Variants in SPTBN1 observed in about 807,000 individuals in gnomAD.
SPTBN1 encodes spectrin beta, non-erythrocytic 1.
Under a neutral mutation model 266.4 loss-of-function variants are expected in SPTBN1, and 32 were observed. The ratio of observed to expected loss-of-function variants is 0.12; its 90% CI spans 0.09 to 0.16. SPTBN1 has a LOEUF of 0.16. SPTBN1 is among the 10% of genes least tolerant of loss of function. The probability of loss-of-function intolerance (pLI) is 1.00; values close to 1 mark genes in which losing one functional copy is unlikely to be tolerated. For synonymous variants in SPTBN1, 1,336 were observed against 1,162.2 expected, an observed-to-expected ratio of 1.15 and a Z score of -3.04; for missense variants, 2,296 against 3,067.1, an observed-to-expected ratio of 0.75 and a Z score of 5.94.
At chr2:54,471,884 T>C (rs9677271) in intron 1 of SPTBN1, among the ~76,000 whole-genome samples, 27,044 of 147,504 alleles carry the variant, frequency 0.18, 2,862 homozygotes, top group African/African-American at 0.28. Flanking sequence ...CTGTAACATC[T>C]TATGTTGAAT....
intron 2 of SPTBN1, among the ~76,000 whole-genome samples, chr2:54,561,915 C>G (rs917819631): frequency 3.3e-5 from 5 of 150,796 alleles, no homozygotes; most frequent in African/African-American, 1.2e-4. Flanking sequence ...AGAGTGATGG[C>G]TTTATCACAC....
At chr2:54,525,544 A>T (rs940491110) in intron 1 of SPTBN1, among the ~76,000 whole-genome samples, 7 of 152,162 alleles carry the variant, frequency 4.6e-5, no homozygotes, top group African/African-American at 1.7e-4. Context: ...TTACATCTTA[A>T]TCTTAAGCAT....
chr2:54,642,933 A>C (rs1277992554), intron 18 of SPTBN1, 50 bp from the exon 19 acceptor site: 36 of 1,582,364 alleles, frequency 2.3e-5, no homozygotes, highest in Non-Finnish European at 3.0e-5. Context: ...GGCGGAAAAA[A>C]GGCTGATGTC....
chr2:54,556,136 C>A (rs941480919), intron 2 of SPTBN1, among the ~76,000 whole-genome samples: 3 of 152,212 alleles, frequency 2.0e-5, no homozygotes, highest in Non-Finnish European at 2.9e-5. Context: ...ATACCTCTGG[C>A]CTTCCTTTAC....
rs141591218 is a variant in SPTBN1, at chr2:54,505,998, C to A, written c.-47-20374C>A. Among the ~76,000 whole-genome samples, 17 of 152,142 alleles carry A rather than the reference C, an allele frequency of 1.1e-4. No individual in the cohort carries two copies. The East Asian group carries it at 3.3e-3, about 29-fold the overall frequency. On this transcript the variant is annotated intron_variant, in intron 1 of 35. Transcript: ENST00000356805. ...AATTAGCTGGGCGAGGTGACGGGTG[C>A]CTGTAGTCCCAGCTACTTGGGAGGT...
intron 2 of SPTBN1, among the ~76,000 whole-genome samples, chr2:54,593,823 C>CTTTTTTT (rs374877354): frequency 0.062 from 4,046 of 64,784 alleles, 873 homozygotes; most frequent in East Asian, 0.089. Context: ...CATGGAAACA[C>CTTTTTTT]TTTTTTTTTT....
chr2:54,541,303 C>T (rs1671923318), intron 2 of SPTBN1, among the ~76,000 whole-genome samples: 1 of 152,232 alleles, frequency 6.6e-6, no homozygotes, highest in African/African-American at 2.4e-5. Flanking sequence ...GGCCCCTATA[C>T]ACACTGTCCA....
intron 1 of SPTBN1, among the ~76,000 whole-genome samples, chr2:54,470,887 C>G (rs1573214934): frequency 6.6e-6 from 1 of 152,192 alleles, no homozygotes; most frequent in Admixed American, 6.5e-5. Context: ...TCTTGTCCAA[C>G]CTACAGCCTT....
chr2:54,611,693 TTC>T (rs1677227725), intron 3 of SPTBN1, among the ~76,000 whole-genome samples: 1 of 152,196 alleles, frequency 6.6e-6, no homozygotes, highest in South Asian at 2.1e-4. Context: ...TTGGAAATTC[TTC>T]TGATTTGATG....
chr2:54,601,615 TG>T (rs1226079262), intron 3 of SPTBN1, among the ~76,000 whole-genome samples: 2 of 152,196 alleles, frequency 1.3e-5, no homozygotes, highest in Non-Finnish European at 1.5e-5. Flanking sequence ...TCTGCACCAG[TG>T]GTCCAAAACC....
chr2:54,604,713 A>T (rs1424368928), intron 3 of SPTBN1, among the ~76,000 whole-genome samples: 1 of 152,144 alleles, frequency 6.6e-6, no homozygotes, highest in African/African-American at 2.4e-5. Context: ...TGGGCCTGGG[A>T]TGGAGATATG....
At position 54,669,376 on chromosome 2, in the gene SPTBN1, G is replaced by A. The variant is rs1424447941; in HGVS notation, c.*807G>A. On this transcript the variant is annotated 3_prime_UTR_variant, in exon 36 of 36. Coordinates refer to ENST00000356805, the MANE Select transcript of SPTBN1 (RefSeq NM_003128.3). ...AGTGGTGGAACTGAAGCATTTACTGGACAAAGTAATGTTACTCTAATGGTT... is the reference window on the plus strand; with the variant it reads ...AGTGGTGGAACTGAAGCATTTACTGAACAAAGTAATGTTACTCTAATGGTT... 2.0e-5 allele frequency: 3 copies of A among 152,662 alleles called. No individual in the cohort carries two copies. The highest frequency in any genetic ancestry group is 6.5e-5 in the Admixed American group (1 of 15,286). The allele number at this position is 152,662 out of a possible 1,614,324, so 9.5% of individuals were successfully genotyped here.
chr2:54,528,876 G>T (rs893399424), intron 2 of SPTBN1, among the ~76,000 whole-genome samples: 1 of 152,196 alleles, frequency 6.6e-6, no homozygotes, highest in African/African-American at 2.4e-5. Flanking sequence ...TACTGGATGG[G>T]GGGGCAGGAA....
chr2:54,647,043 C>A, intron 23 of SPTBN1, 88 bp from the exon 24 acceptor site: 1 of 1,595,224 alleles, frequency 6.3e-7, no homozygotes, highest in Non-Finnish European at 8.6e-7. Context: ...ATCCTTCCTC[C>A]TACCCTGCTG....
chr2:54,468,362 A>G (rs1176493551), intron 1 of SPTBN1, among the ~76,000 whole-genome samples: 1 of 151,974 alleles, frequency 6.6e-6, no homozygotes, highest in African/African-American at 2.4e-5. Flanking sequence ...ATGTGTGTAT[A>G]TATATTTATT....
At position 54,655,801 on chromosome 2, in the gene SPTBN1, C is replaced by T. The variant is rs1680613126; in HGVS notation, c.5962-113C>T. On this transcript the variant is annotated intron_variant, in intron 28 of 35. Coordinates refer to ENST00000356805, the MANE Select transcript of SPTBN1 (RefSeq NM_003128.3). ...AGACTGAGCAGTCCTTAGATATCTC[C>T]CAGCTTAATGGTGGTCTTTGCAGAA... The T allele has an allele frequency of 4.1e-6, 3 of 734,666 alleles. No individual in the cohort carries two copies. In the African/African-American group the frequency reaches 5.3e-5, roughly 13 times the overall value. 45.5% of individuals were successfully genotyped at this position (734,666 alleles called of 1,614,324 possible). A position where few individuals can be genotyped will look rare whatever the true frequency, so the allele number is the denominator to read the frequency against.
At chr2:54,621,377 A>G in intron 7 of SPTBN1, 23 bp from the exon 8 acceptor site, 1 of 1,595,240 alleles carries the variant, frequency 6.3e-7, no homozygotes, top group East Asian at 2.2e-5. Context: ...AACACACTGA[A>G]CAGAGTCTTC....
At chr2:54,607,358 C>CA (rs1307412886) in intron 3 of SPTBN1, among the ~76,000 whole-genome samples, 2 of 152,192 alleles carry the variant, frequency 1.3e-5, no homozygotes, top group Non-Finnish European at 2.9e-5. Context: ...GGGGCTGGCT[C>CA]ACGCCTGTAA....
chr2:54,643,452 T>C (rs891934009), intron 19 of SPTBN1, among the ~76,000 whole-genome samples: 1 of 152,232 alleles, frequency 6.6e-6, no homozygotes, highest in South Asian at 2.1e-4. Context: ...GTCTTGATCA[T>C]ATTATTTGTG....
Sources: allele counts gnomAD v4.1 joint callset (sites outside exome capture counted in the v4.1 genomes callset), GRCh38; gene constraint gnomAD v4.1.1; transcripts MANE v1.5; gene names NCBI Gene and HGNC (gene_info 2026-07-23, HGNC 2026-07-21).